The following MAGI3 variants were observed in gnomAD, a reference collection of about 807,000 sequenced individuals.
MAGI3 encodes the protein membrane-associated guanylate kinase, WW and PDZ domain-containing protein 3.
A neutral mutation model predicts 121.8 loss-of-function variants in MAGI3; 43 were observed. That is an observed-to-expected ratio of 0.35 (90% CI 0.28 to 0.46). MAGI3 has a LOEUF of 0.46. MAGI3 is among the 20% of genes least tolerant of loss of function. The pLI, the probability that MAGI3 is intolerant of heterozygous loss-of-function variation, is 1.00. For missense variants in MAGI3, 1,547 were observed against 1,797.3 expected, an observed-to-expected ratio of 0.86 and a Z score of 2.52; for synonymous variants, 553 against 639.3, an observed-to-expected ratio of 0.86 and a Z score of 2.04.
chr1:113,390,549 G>A lies in MAGI3; in HGVS notation c.-485G>A, dbSNP rs1355879678. ...GCAGCTTGGGCAGGCGTTGGTCTCCGCGCTACAGCTCCGCAGCGGCCACGA... is the reference window on the plus strand; with the variant it reads ...GCAGCTTGGGCAGGCGTTGGTCTCCACGCTACAGCTCCGCAGCGGCCACGA... On this transcript the variant is annotated 5_prime_UTR_variant, in exon 1 of 21. Transcript: ENST00000307546. 6.6e-6 allele frequency among the ~76,000 whole-genome samples: 1 copy of A among 152,024 alleles called. No homozygotes were observed. The highest frequency in any genetic ancestry group is 2.4e-5 in the African/African-American group (1 of 41,426).
intron 1 of MAGI3, among the ~76,000 whole-genome samples, chr1:113,486,518 C>T (rs1400600079): frequency 6.6e-6 from 1 of 152,114 alleles, no homozygotes; most frequent in African/African-American, 2.4e-5. Flanking sequence ...CTCAGTCAAG[C>T]TGTGAATTTT....
At chr1:113,472,135 T>G (rs538705201) in intron 1 of MAGI3, among the ~76,000 whole-genome samples, 9 of 152,320 alleles carry the variant, frequency 5.9e-5, no homozygotes, top group Middle Eastern at 3.4e-3. Context: ...CTTTTCCCAT[T>G]TCTTCACTTT....
chr1:113,561,231 A>G (rs144533288), intron 2 of MAGI3, among the ~76,000 whole-genome samples: 302 of 152,300 alleles, frequency 2.0e-3, no homozygotes, highest in African/African-American at 6.7e-3. Flanking sequence ...ATTCCAAACA[A>G]TTGAAAAGGA....
At chr1:113,491,610 A>G (rs1656670284) in intron 1 of MAGI3, among the ~76,000 whole-genome samples, 1 of 152,052 alleles carries the variant, frequency 6.6e-6, no homozygotes, top group South Asian at 2.1e-4. Context: ...AGAAATTAAT[A>G]AAATAGACCA....
intron 9 of MAGI3, among the ~76,000 whole-genome samples, chr1:113,637,815 T>C (rs1332773033): frequency 6.6e-6 from 1 of 152,254 alleles, no homozygotes; most frequent in Non-Finnish European, 1.5e-5. Flanking sequence ...GATAATATCC[T>C]GCGGAGTGTT....
At chr1:113,588,320 C>A (rs1648501489) in intron 4 of MAGI3, among the ~76,000 whole-genome samples, 1 of 152,102 alleles carries the variant, frequency 6.6e-6, no homozygotes, top group South Asian at 2.1e-4. Context: ...GCAAGGAAAC[C>A]AGAGTGGTTG....
chr1:113,642,207 C>T lies in MAGI3; in HGVS notation c.1657C>T (p.Leu553Phe), dbSNP rs1652582728. Residue 553 changes from leucine to phenylalanine, a missense_variant, in exon 10 of 21, where the codon CTC becomes TTC. Physicochemically the swap from Leu to Phe is conservative, Grantham distance 22. Coordinates refer to ENST00000307546, the MANE Select transcript of MAGI3 (RefSeq NM_001142782.2). The part of the protein sequence containing the change: ...KSGHTLTGDG[L>F]NGPSDASEQR... ...GGGACACACTTTGACTGGTGATGGTCTCAATGGACCATCAGATGCAAGTGA... is the reference window on the plus strand; with the variant it reads ...GGGACACACTTTGACTGGTGATGGTTTCAATGGACCATCAGATGCAAGTGA... 1 of 1,614,092 alleles carries T rather than the reference C, an allele frequency of 6.2e-7. No individual in the cohort carries two copies. Among genetic ancestry groups the T allele is most frequent in the Non-Finnish European group, 8.5e-7 (1 of 1,180,020 alleles).
chr1:113,668,517 G>A (rs1370353806), intron 16 of MAGI3, among the ~76,000 whole-genome samples: 1 of 150,912 alleles, frequency 6.6e-6, no homozygotes, highest in Non-Finnish European at 1.5e-5. Context: ...CCCAGTGATA[G>A]GAAGTTTTAC....
chr1:113,493,895 A>AG (rs1171583363), intron 1 of MAGI3, among the ~76,000 whole-genome samples: 1 of 152,196 alleles, frequency 6.6e-6, no homozygotes, highest in Admixed American at 6.5e-5. Flanking sequence ...GGAGAGAAAA[A>AG]GGAACACTTA....
chr1:113,521,118 G>A lies in MAGI3; in HGVS notation c.317-28397G>A, dbSNP rs1163775357. Reference sequence around the variant, plus strand: ...TTTTTTTTTTTTGAGACAAAGTCTCGCTCTATCACCCAGGCTGGAGTGCAG... The same window carrying A: ...TTTTTTTTTTTTGAGACAAAGTCTCACTCTATCACCCAGGCTGGAGTGCAG... On this transcript the variant is annotated intron_variant, in intron 1 of 20. Coordinates refer to ENST00000307546, the MANE Select transcript of MAGI3 (RefSeq NM_001142782.2). 2.4e-4 allele frequency among the ~76,000 whole-genome samples: 34 copies of A among 143,630 alleles called. 1 individual carries two copies. Among genetic ancestry groups the A allele is most frequent in the Admixed American group, 1.9e-3 (27 of 14,128 alleles). 94.2% of individuals were successfully genotyped at this position (143,630 alleles called of 152,430 possible).
chr1:113,438,197 C>T (rs1163332951), intron 1 of MAGI3, among the ~76,000 whole-genome samples: 9 of 151,900 alleles, frequency 5.9e-5, no homozygotes, highest in Non-Finnish European at 1.0e-4. Context: ...GCAACAAGCC[C>T]CCTTCTCTTA....
intron 1 of MAGI3, among the ~76,000 whole-genome samples, chr1:113,532,222 T>G (rs1658762235): frequency 6.6e-6 from 1 of 152,146 alleles, no homozygotes; most frequent in Non-Finnish European, 1.5e-5. Context: ...AAATTGTATA[T>G]TCATTTTATA....
intron 1 of MAGI3, among the ~76,000 whole-genome samples, chr1:113,517,612 T>C (rs1657992145): frequency 6.6e-6 from 1 of 152,036 alleles, no homozygotes; most frequent in African/African-American, 2.4e-5. Flanking sequence ...TTTTTGTTTT[T>C]CTTCTCATTC....
chr1:113,666,902 T>C (rs1654069963), intron 16 of MAGI3, among the ~76,000 whole-genome samples: 1 of 152,256 alleles, frequency 6.6e-6, no homozygotes. Flanking sequence ...TATTTCTCCA[T>C]CAGAGCTCTT....
chr1:113,663,219 C>T (rs1299105497), intron 16 of MAGI3, among the ~76,000 whole-genome samples: 3 of 137,374 alleles, frequency 2.2e-5, no homozygotes, highest in African/African-American at 8.5e-5. Flanking sequence ...GAGTGAAACT[C>T]CATCTCAAAA....
intron 1 of MAGI3, among the ~76,000 whole-genome samples, chr1:113,465,264 T>C (rs1302170920): frequency 6.6e-6 from 1 of 151,798 alleles, no homozygotes; most frequent in Non-Finnish European, 1.5e-5. Context: ...AATACTGTCT[T>C]TTCCCCATTG....
At chr1:113,392,394 G>A (rs1650874712) in intron 1 of MAGI3, among the ~76,000 whole-genome samples, 1 of 152,200 alleles carries the variant, frequency 6.6e-6, no homozygotes, top group Non-Finnish European at 1.5e-5. Context: ...ACCTGGGCTA[G>A]GTAGCAGTCC....
At chr1:113,529,041 G>A (rs1173898142) in intron 1 of MAGI3, among the ~76,000 whole-genome samples, 1 of 152,082 alleles carries the variant, frequency 6.6e-6, no homozygotes, top group Non-Finnish European at 1.5e-5. Context: ...TTATTCTCTT[G>A]AATTTATAAA....
intron 1 of MAGI3, among the ~76,000 whole-genome samples, chr1:113,483,123 C>T (rs1656193177): frequency 6.6e-6 from 1 of 152,156 alleles, no homozygotes; most frequent in Non-Finnish European, 1.5e-5. Context: ...CCTTTTCTTA[C>T]CTTTTAAAAG....
Sources: gnomAD v4.1 joint callset for allele counts (sites outside exome capture counted in the v4.1 genomes callset) on GRCh38, gnomAD v4.1.1 for gene constraint, MANE v1.5 for transcripts, NCBI Gene and HGNC (gene_info 2026-07-23, HGNC 2026-07-21) for gene names.